Variants in CNPY1 observed in about 807,000 individuals in gnomAD.
CNPY1 encodes protein canopy homolog 1.
A neutral mutation model predicts 14.4 loss-of-function variants in CNPY1; 14 were observed. The observed-to-expected ratio is 0.97, with a 90% CI of 0.64 to 1.52. CNPY1 has a LOEUF of 1.52. Among genes scored for constraint, CNPY1 ranks in the 40% most tolerant of loss-of-function variants. The pLI is 0.00. For missense variants in CNPY1, 129 were observed against 131.5 expected (o/e 0.98, Z 0.09); for synonymous variants, 43 against 46.5 (o/e 0.92, Z 0.31).
At chr7:155,513,625 GTAA>G (rs1796565996) in intron 2 of CNPY1, among the ~76,000 whole-genome samples, 1 of 150,022 alleles carries the variant, frequency 6.7e-6, no homozygotes. Context: ...AAAAAAAAAG[GTAA>G]TAAAATAAGA....
At chr7:155,524,236 A>G (rs1362030952) in intron 2 of CNPY1, among the ~76,000 whole-genome samples, 1 of 152,212 alleles carries the variant, frequency 6.6e-6, no homozygotes, top group Non-Finnish European at 1.5e-5. Context: ...TGGGGTGGTA[A>G]ACTCAGGCAC....
chr7:155,534,759 CCA>C (rs1426748574), intron 2 of CNPY1, among the ~76,000 whole-genome samples: 2 of 152,324 alleles, frequency 1.3e-5, no homozygotes, highest in East Asian at 3.9e-4. Flanking sequence ...CCGGTGAAGG[CCA>C]CAGTCAGGCC....
At chr7:155,545,806 T>A (rs1797150411) in intron 2 of CNPY1, 25 bp downstream of exon 2, 1 of 398,478 alleles carries the variant, frequency 2.5e-6, no homozygotes, top group African/African-American at 2.1e-5. Context: ...AATTATACAC[T>A]GGCACATAAT....
At chr7:155,524,115 G>A (rs572435780) in intron 2 of CNPY1, among the ~76,000 whole-genome samples, 1 of 152,334 alleles carries the variant, frequency 6.6e-6, no homozygotes, top group Non-Finnish European at 1.5e-5. Context: ...AAGACATCTG[G>A]ATTGTAGTGC....
intron 2 of CNPY1, among the ~76,000 whole-genome samples, chr7:155,543,413 A>T (rs1285267579): frequency 1.3e-5 from 2 of 152,220 alleles, no homozygotes; most frequent in Non-Finnish European, 1.5e-5. Flanking sequence ...GAGCAAGGGC[A>T]GAGCTGACTT....
At position 155,502,322 on chromosome 7, in the gene CNPY1, C is replaced by T. The variant is rs759844850; in HGVS notation, c.*746G>A. On this transcript the variant is annotated 3_prime_UTR_variant, in exon 5 of 5. Coordinates refer to ENST00000636446, the MANE Select transcript of CNPY1 (RefSeq NM_001393663.1). ...AAAAAACGTTTAGAAGAAAAACAAA[C>T]AAGCCAGAAGAGTTTGGAGCGAAAC... 1 of 151,810 alleles carries T rather than the reference C, an allele frequency of 6.6e-6. No individual in the cohort carries two copies. The allele number at this position is 151,810 out of a possible 1,614,324, so 9.4% of individuals were successfully genotyped here.
intron 4 of CNPY1, among the ~76,000 whole-genome samples, chr7:155,506,436 G>A (rs1441780274): frequency 9.2e-5 from 14 of 152,132 alleles, no homozygotes; most frequent in Admixed American, 9.2e-4. Context: ...TCCAGCTTCT[G>A]AGTGTGTGTA....
At chr7:155,529,505 G>T (rs193258538) in intron 2 of CNPY1, among the ~76,000 whole-genome samples, 6 of 152,302 alleles carry the variant, frequency 3.9e-5, no homozygotes, top group African/African-American at 1.4e-4. Flanking sequence ...CTCAGGCAAG[G>T]GTCCTTCCTT....
intron 2 of CNPY1, among the ~76,000 whole-genome samples, chr7:155,533,310 C>A (rs1261260918): frequency 3.3e-5 from 5 of 152,156 alleles, no homozygotes; most frequent in Non-Finnish European, 7.3e-5. Flanking sequence ...TGAGTCTGCT[C>A]GGATGTGCCG....
intron 2 of CNPY1, among the ~76,000 whole-genome samples, chr7:155,538,309 T>C (rs1015085660): frequency 1.3e-5 from 2 of 152,134 alleles, no homozygotes; most frequent in Non-Finnish European, 2.9e-5. Flanking sequence ...CACCATCCCT[T>C]CCTCTTGTGC....
intron 3 of CNPY1, among the ~76,000 whole-genome samples, chr7:155,507,969 T>C (rs1289361882): frequency 2.0e-5 from 3 of 152,242 alleles, no homozygotes; most frequent in Non-Finnish European, 4.4e-5. Context: ...TTAAAACCTG[T>C]GAAATACAAA....
intron 4 of CNPY1, among the ~76,000 whole-genome samples, chr7:155,504,933 T>C (rs1274986904): frequency 2.0e-5 from 3 of 152,226 alleles, no homozygotes; most frequent in African/African-American, 7.2e-5. Flanking sequence ...TTCAGTTGTC[T>C]GAAACCATCC....
chr7:155,525,935 A>C (rs1796811335), intron 2 of CNPY1, among the ~76,000 whole-genome samples: 1 of 152,210 alleles, frequency 6.6e-6, no homozygotes, highest in Admixed American at 6.5e-5. Flanking sequence ...AATTAACATG[A>C]CATAGCTATT....
chr7:155,530,982 C>A (rs879313723), intron 2 of CNPY1, among the ~76,000 whole-genome samples: 15 of 152,246 alleles, frequency 9.9e-5, no homozygotes, highest in Admixed American at 2.6e-4. Flanking sequence ...AACTTGGGCT[C>A]AGTCATTCTC....
At chr7:155,507,150 A>C (rs1292919435) in intron 3 of CNPY1, 34 bp from the exon 4 acceptor site, 1 of 1,335,668 alleles carries the variant, frequency 7.5e-7, no homozygotes, top group Admixed American at 1.7e-5. Flanking sequence ...ATGTGGATAG[A>C]CGCACACTGG....
intron 2 of CNPY1, among the ~76,000 whole-genome samples, chr7:155,542,413 G>A (rs1797094941): frequency 6.6e-6 from 1 of 152,206 alleles, no homozygotes; most frequent in Admixed American, 6.5e-5. Flanking sequence ...GGTCCTGGGT[G>A]TGGGCATGGA....
intron 2 of CNPY1, among the ~76,000 whole-genome samples, chr7:155,529,524 A>C (rs1445676094): frequency 6.6e-6 from 1 of 151,998 alleles, no homozygotes; most frequent in Non-Finnish European, 1.5e-5. Flanking sequence ...TTCCCTCTTC[A>C]TGGTTCCGGT....
chr7:155,502,053 T>A lies in CNPY1; in HGVS notation c.*1015A>T, dbSNP rs1796133223. On this transcript the variant is annotated 3_prime_UTR_variant, in exon 5 of 5. Coordinates refer to ENST00000636446, the MANE Select transcript of CNPY1 (RefSeq NM_001393663.1). ...CCCACTTGATTGTCACCAAAGACAA[T>A]GAGAATCTCTTTTTAGAAACTGGTG... The A allele has an allele frequency of 1.3e-5, 2 of 151,830 alleles. No homozygotes were observed. The highest frequency in any genetic ancestry group is 1.3e-4 in the Admixed American group (2 of 15,256). 9.4% of individuals were successfully genotyped at this position (151,830 alleles called of 1,614,324 possible). A position where few individuals can be genotyped will look rare whatever the true frequency, so the allele number is the denominator to read the frequency against.
At position 155,509,050 on chromosome 7, in the gene CNPY1, T is replaced by A; in HGVS notation, c.147A>T (p.Lys49Asn). Residue 49 changes from lysine (K) to asparagine (N), a missense_variant, in exon 3 of 5, where the codon AAA becomes AAT. Lys to Asn is a moderately conservative substitution (Grantham distance 94, BLOSUM62 0). Transcript: ENST00000636446. ...TGTAGTCGTTCATTCGCTCACAGAC[T>A]TTCTCCAAAAGATCCGTTAGGAACG... ...SEAFLTDLLE[K>N]VCERMNDYKL... is the part of the protein sequence containing the mutation. 1 of 1,607,426 alleles carries A rather than the reference T, an allele frequency of 6.2e-7. No individual in the cohort carries two copies. Among genetic ancestry groups the A allele is most frequent in the Non-Finnish European group, 8.5e-7 (1 of 1,178,190 alleles).
Sources: allele counts gnomAD v4.1 joint callset (sites outside exome capture counted in the v4.1 genomes callset), GRCh38; gene constraint gnomAD v4.1.1; transcripts MANE v1.5; gene names NCBI Gene and HGNC (gene_info 2026-07-23, HGNC 2026-07-21).